Variants in MACROD2 observed in about 807,000 individuals in gnomAD.
The protein encoded by MACROD2 is mono-ADP ribosylhydrolase 2.
Under a neutral mutation model 70.4 loss-of-function variants are expected in MACROD2, and 36 were observed. The observed-to-expected ratio is 0.51, with a 90% CI of 0.39 to 0.68. The LOEUF (loss-of-function observed/expected upper bound fraction) is 0.68. Among genes scored for constraint, MACROD2 ranks in the 30% least tolerant of loss-of-function variants. The pLI is 0.00. For missense variants in MACROD2, 496 were observed against 538.4 expected (o/e 0.92, Z 0.78); for synonymous variants, 172 against 178.8 (o/e 0.96, Z 0.30).
At chr20:14,369,363 A>G (rs969435012) in intron 3 of MACROD2, among the ~76,000 whole-genome samples, 3 of 152,236 alleles carry the variant, frequency 2.0e-5, no homozygotes, top group African/African-American at 7.2e-5. Context: ...TGGGGAAGCT[A>G]CCTGCAGTTT....
chr20:14,609,244 T>C (rs1983008119), intron 4 of MACROD2, among the ~76,000 whole-genome samples: 1 of 131,156 alleles, frequency 7.6e-6, no homozygotes, highest in African/African-American at 2.5e-5. Flanking sequence ...CGTCATAACA[T>C]TAGAAACAGA....
intron 3 of MACROD2, among the ~76,000 whole-genome samples, chr20:14,206,588 G>C (rs1161623946): frequency 6.7e-6 from 1 of 149,760 alleles, no homozygotes; most frequent in Non-Finnish European, 1.5e-5. Flanking sequence ...CATGTTGTTT[G>C]ATATGTTTGT....
At chr20:14,599,019 A>G (rs1687052329) in intron 4 of MACROD2, among the ~76,000 whole-genome samples, 1 of 152,160 alleles carries the variant, frequency 6.6e-6, no homozygotes, top group African/African-American at 2.4e-5. Context: ...CATTTTGGTG[A>G]GAAGAATATG....
At chr20:15,186,631 T>C (rs2076536332) in intron 5 of MACROD2, among the ~76,000 whole-genome samples, 1 of 152,174 alleles carries the variant, frequency 6.6e-6, no homozygotes, top group Non-Finnish European at 1.5e-5. Context: ...ATCTGGGGTC[T>C]GGGATTCAAA....
At chr20:15,977,056 A>C (rs906064414) in intron 13 of MACROD2, among the ~76,000 whole-genome samples, 5 of 152,110 alleles carry the variant, frequency 3.3e-5, no homozygotes, top group Non-Finnish European at 7.4e-5. Flanking sequence ...GAGCACTGGG[A>C]CCAGGGGACA....
chr20:14,604,756 A>G (rs11087098), intron 4 of MACROD2, among the ~76,000 whole-genome samples: 74,319 of 152,014 alleles, frequency 0.49, 20,075 homozygotes, highest in African/African-American at 0.73. Flanking sequence ...TCCTTCTTCC[A>G]GGAGGATCAG....
chr20:14,113,174 A>G (rs2054474225), intron 3 of MACROD2, among the ~76,000 whole-genome samples: 1 of 152,072 alleles, frequency 6.6e-6, no homozygotes, highest in Non-Finnish European at 1.5e-5. Context: ...TTGGTTTACA[A>G]TAAGAATAGA....
At chr20:14,699,567 T>C (rs964123382) in intron 5 of MACROD2, among the ~76,000 whole-genome samples, 2 of 152,160 alleles carry the variant, frequency 1.3e-5, no homozygotes, top group African/African-American at 2.4e-5. Flanking sequence ...AATAGCATGA[T>C]AGTCAGGGAG....
chr20:15,602,959 C>T (rs2048843090), intron 8 of MACROD2, among the ~76,000 whole-genome samples: 2 of 151,174 alleles, frequency 1.3e-5, no homozygotes, highest in African/African-American at 4.9e-5. Flanking sequence ...AAAATCTATC[C>T]TATTTCTTGC....
chr20:16,015,946 G>A (rs1469773221), intron 15 of MACROD2, among the ~76,000 whole-genome samples: 3 of 151,746 alleles, frequency 2.0e-5, no homozygotes, highest in Non-Finnish European at 4.4e-5. Context: ...TTTTATCTTT[G>A]GTTTGGAGGT....
At chr20:15,002,540 C>T (rs1196936116) in intron 5 of MACROD2, among the ~76,000 whole-genome samples, 1 of 152,058 alleles carries the variant, frequency 6.6e-6, no homozygotes, top group Non-Finnish European at 1.5e-5. Flanking sequence ...ATCATTATCA[C>T]CAAGAATTTG....
chr20:14,091,042 C>T (rs1394570286), intron 3 of MACROD2, among the ~76,000 whole-genome samples: 1 of 152,022 alleles, frequency 6.6e-6, no homozygotes, highest in African/African-American at 2.4e-5. Context: ...ATTTGTGTGT[C>T]TTCTTCTGAG....
At chr20:14,717,730 T>G (rs2071413050) in intron 5 of MACROD2, among the ~76,000 whole-genome samples, 1 of 152,102 alleles carries the variant, frequency 6.6e-6, no homozygotes, top group African/African-American at 2.4e-5. Context: ...GAACTGATCC[T>G]TGAGTCAGTG....
intron 4 of MACROD2, among the ~76,000 whole-genome samples, chr20:14,505,129 T>C (rs908736523): frequency 3.3e-5 from 5 of 152,236 alleles, no homozygotes; most frequent in African/African-American, 9.6e-5. Flanking sequence ...AAAATTCAGT[T>C]CTGTTTTTGA....
At chr20:15,873,438 G>A (rs1329259016) in intron 9 of MACROD2, among the ~76,000 whole-genome samples, 1 of 152,078 alleles carries the variant, frequency 6.6e-6, no homozygotes, top group Non-Finnish European at 1.5e-5. Context: ...TATTACTAAT[G>A]TGGTTTAACA....
chr20:14,823,093 T>C (rs896045313), intron 5 of MACROD2, among the ~76,000 whole-genome samples: 2 of 152,098 alleles, frequency 1.3e-5, no homozygotes, highest in African/African-American at 4.8e-5. Flanking sequence ...AGAGGCATGA[T>C]TCTATGATTA....
At chr20:15,517,618 G>T (rs1169659741) in intron 8 of MACROD2, among the ~76,000 whole-genome samples, 3 of 152,118 alleles carry the variant, frequency 2.0e-5, no homozygotes, top group Admixed American at 6.5e-5. Flanking sequence ...AGTAATAAAT[G>T]AGCGAATGGG....
At chr20:14,669,636 C>G (rs887182017) in intron 4 of MACROD2, among the ~76,000 whole-genome samples, 8 of 152,176 alleles carry the variant, frequency 5.3e-5, no homozygotes, top group African/African-American at 1.2e-4. Context: ...GAGGTTGTCT[C>G]AGAGGCACCT....
At chr20:14,102,641 A>G (rs937199187) in intron 3 of MACROD2, among the ~76,000 whole-genome samples, 1 of 152,216 alleles carries the variant, frequency 6.6e-6, no homozygotes, top group African/African-American at 2.4e-5. Context: ...CTCCTCTGCT[A>G]TGCCAGAAAT....
Sources: allele counts gnomAD v4.1 joint callset (sites outside exome capture counted in the v4.1 genomes callset), GRCh38; gene constraint gnomAD v4.1.1; transcripts MANE v1.5; gene names NCBI Gene and HGNC (gene_info 2026-07-23, HGNC 2026-07-21).